Variants in HDAC4 observed in about 807,000 individuals in gnomAD.
The protein encoded by HDAC4 is histone deacetylase 4.
HDAC4 carries 16 observed loss-of-function variants against 135.1 expected under a neutral mutation model. That is an observed-to-expected ratio of 0.12 (90% CI 0.08 to 0.18). The LOEUF is 0.18. HDAC4 is among the 10% of genes least tolerant of loss of function. HDAC4 has a pLI of 1.00. For synonymous variants in HDAC4, 685 were observed against 653.4 expected, an observed-to-expected ratio of 1.05 and a Z score of -0.74; for missense variants, 1,143 against 1,511.8, an observed-to-expected ratio of 0.76 and a Z score of 4.05.
chr2:239,361,476 A>C (rs1016777203), intron 1 of HDAC4, among the ~76,000 whole-genome samples: 1 of 152,216 alleles, frequency 6.6e-6, no homozygotes, highest in Non-Finnish European at 1.5e-5. Context: ...CATACAATGC[A>C]GGGAACTGCT....
chr2:239,077,199 C>A (rs1321002436), intron 22 of HDAC4, among the ~76,000 whole-genome samples: 1 of 152,272 alleles, frequency 6.6e-6, no homozygotes, highest in Non-Finnish European at 1.5e-5. Context: ...CCCGATAGAG[C>A]CCCTGCCATC....
chr2:239,081,448 C>G (rs1371389815), intron 21 of HDAC4, among the ~76,000 whole-genome samples: 1 of 152,242 alleles, frequency 6.6e-6, no homozygotes, highest in East Asian at 1.9e-4. Flanking sequence ...CTTGGCACAC[C>G]AAGGCCCTGC....
intron 1 of HDAC4, among the ~76,000 whole-genome samples, chr2:239,358,255 C>T (rs964954705): frequency 2.0e-5 from 3 of 152,192 alleles, no homozygotes; most frequent in East Asian, 1.9e-4. Flanking sequence ...AATCTGCTTC[C>T]GTTCGTGTGG....
chr2:239,105,371 C>T (rs1228599455), intron 15 of HDAC4, among the ~76,000 whole-genome samples: 1 of 152,222 alleles, frequency 6.6e-6, no homozygotes, highest in Non-Finnish European at 1.5e-5. Flanking sequence ...CCCGGGAAGC[C>T]TCTGCAGGAG....
chr2:239,116,759 C>T (rs2152814898), intron 12 of HDAC4, among the ~76,000 whole-genome samples: 1 of 152,336 alleles, frequency 6.6e-6, no homozygotes, highest in East Asian at 1.9e-4. Context: ...CCACCCTGCT[C>T]CCGACCACGC....
chr2:239,114,139 G>C (rs2038923945), intron 13 of HDAC4, among the ~76,000 whole-genome samples: 1 of 152,232 alleles, frequency 6.6e-6, no homozygotes, highest in South Asian at 2.1e-4. Flanking sequence ...AAGGGGAACA[G>C]TTTACTGCAG....
At chr2:239,362,774 C>A (rs1693942558) in intron 1 of HDAC4, among the ~76,000 whole-genome samples, 1 of 152,238 alleles carries the variant, frequency 6.6e-6, no homozygotes, top group Non-Finnish European at 1.5e-5. Context: ...CCACTCTCAT[C>A]ATTTCCATTC....
At chr2:239,278,171 C>CAGA (rs2050495674) in intron 2 of HDAC4, among the ~76,000 whole-genome samples, 1 of 150,392 alleles carries the variant, frequency 6.6e-6, no homozygotes, top group East Asian at 1.9e-4. Flanking sequence ...AATTATCCCA[C>CAGA]CATTAGAGAA....
intron 2 of HDAC4, among the ~76,000 whole-genome samples, chr2:239,300,055 C>CTCCT (rs2125605505): frequency 6.6e-6 from 1 of 152,292 alleles, no homozygotes; most frequent in South Asian, 2.1e-4. Flanking sequence ...ACTAAGTGAA[C>CTCCT]TCCTCTAGGG....
At chr2:239,140,279 T>C (rs753529058) in intron 8 of HDAC4, among the ~76,000 whole-genome samples, 4 of 152,178 alleles carry the variant, frequency 2.6e-5, no homozygotes, top group African/African-American at 7.2e-5. Context: ...GGGGAAAATA[T>C]AGCCAGTGTC....
chr2:239,094,585 A>G (rs1177578418), intron 17 of HDAC4: 3 of 1,121,342 alleles, frequency 2.7e-6, no homozygotes, highest in Non-Finnish European at 3.3e-6. Context: ...GTGGCCCATG[A>G]GTATCACGGT....
At chr2:239,060,487 C>T (rs7585378) in intron 24 of HDAC4, among the ~76,000 whole-genome samples, 2,309 of 152,306 alleles carry the variant, frequency 0.015, 48 homozygotes, top group African/African-American at 0.048. Flanking sequence ...GGCCAATAGG[C>T]AGATGCGGGG....
At chr2:239,377,792 C>T (rs1695125246) in intron 1 of HDAC4, among the ~76,000 whole-genome samples, 1 of 152,152 alleles carries the variant, frequency 6.6e-6, no homozygotes, top group South Asian at 2.1e-4. Context: ...ACATCTCAGA[C>T]ACAACTGGGC....
chr2:239,100,909 G>C (rs529971886), intron 16 of HDAC4, among the ~76,000 whole-genome samples: 1 of 152,254 alleles, frequency 6.6e-6, no homozygotes, highest in South Asian at 2.1e-4. Context: ...GAAGGGTGCT[G>C]TACCCCTTCT....
At chr2:239,116,988 C>T (rs2039194223) in intron 12 of HDAC4, among the ~76,000 whole-genome samples, 1 of 152,212 alleles carries the variant, frequency 6.6e-6, no homozygotes, top group Non-Finnish European at 1.5e-5. Context: ...ATCCATCTTT[C>T]CTGCAGTCTG....
intron 2 of HDAC4, among the ~76,000 whole-genome samples, chr2:239,334,607 T>C (rs185362189): frequency 2.0e-5 from 3 of 151,798 alleles, no homozygotes; most frequent in South Asian, 2.1e-4. Flanking sequence ...TCGAAAAAAA[T>C]AGAGAGACGT....
At chr2:239,259,815 T>C (rs1452997447) in intron 2 of HDAC4, among the ~76,000 whole-genome samples, 2 of 152,218 alleles carry the variant, frequency 1.3e-5, no homozygotes, top group Non-Finnish European at 2.9e-5. Context: ...GAGCCTGTGG[T>C]ATGGCGTGAG....
At chr2:239,292,223 G>A (rs992118397) in intron 2 of HDAC4, among the ~76,000 whole-genome samples, 1 of 152,242 alleles carries the variant, frequency 6.6e-6, no homozygotes, top group Non-Finnish European at 1.5e-5. Context: ...CCGGGCAGGT[G>A]CTGCAATGCG....
At chr2:239,109,251 G>C (rs1413970400) in intron 14 of HDAC4, among the ~76,000 whole-genome samples, 4 of 152,210 alleles carry the variant, frequency 2.6e-5, no homozygotes, top group African/African-American at 9.6e-5. Context: ...CACTGGCCAG[G>C]GGCACCTGTG....
Sources: allele counts gnomAD v4.1 joint callset (sites outside exome capture counted in the v4.1 genomes callset), GRCh38; gene constraint gnomAD v4.1.1; transcripts MANE v1.5; gene names NCBI Gene and HGNC (gene_info 2026-07-23, HGNC 2026-07-21).